KDM3B: variants seen among roughly 807,000 people sequenced by gnomAD.
KDM3B encodes lysine demethylase 3B.
KDM3B carries 10 observed loss-of-function variants against 170.0 expected under a neutral mutation model. That is an observed-to-expected ratio of 0.06 (90% CI 0.04 to 0.10). KDM3B has a LOEUF of 0.10. Among genes scored for constraint, KDM3B ranks in the 10% least tolerant of loss-of-function variants. KDM3B has a pLI of 1.00. For synonymous variants in KDM3B, 831 were observed against 834.8 expected (o/e 1.00, Z 0.08); for missense variants, 1,394 against 2,195.2 (o/e 0.64, Z 7.29).
chr5:138,431,288 G>A, intron 22 of KDM3B, 137 bp from the exon 23 acceptor site: 2 of 714,694 alleles, frequency 2.8e-6, no homozygotes, highest in Non-Finnish European at 4.3e-6. Context: ...TGCACTTACA[G>A]CTTTTCTGTG....
In KDM3B at chr5:138,417,553, T is replaced by C; in HGVS notation, c.3378T>C (p.Cys1126=). Residue 1126 remains cysteine, a synonymous_variant, in exon 13 of 24, where the codon TGT becomes TGC. Transcript: ENST00000314358. ...GKWGIKANCP[C]ISRQNKSVLR... is the part of the protein sequence containing the mutation. Reference sequence around the variant, plus strand: ...GGGGAATTAAAGCAAACTGCCCTTGTATCAGTCGACAGAACAAATCTGTAT... The same window carrying C: ...GGGGAATTAAAGCAAACTGCCCTTGCATCAGTCGACAGAACAAATCTGTAT... 6.2e-7 allele frequency: 1 copy of C among 1,614,206 alleles called. No homozygotes were observed. The highest frequency in any genetic ancestry group is 8.5e-7 in the Non-Finnish European group (1 of 1,180,024).
chr5:138,388,502 A>G (rs1007164725), intron 7 of KDM3B, among the ~76,000 whole-genome samples: 23 of 151,428 alleles, frequency 1.5e-4, no homozygotes, highest in African/African-American at 1.2e-4. Context: ...CGTGGTGGCA[A>G]GCGCCTGTAG....
chr5:138,375,669 C>T lies in KDM3B; in HGVS notation c.474+463C>T, dbSNP rs574148206. Among the ~76,000 whole-genome samples, 8 of 151,972 alleles carry T rather than the reference C, an allele frequency of 5.3e-5. No homozygotes were observed. The South Asian group carries it at 1.2e-3, about 24-fold the overall frequency. ...CTGGGATTACAGGCGTGAGCCACCA[C>T]GCCCAGCCTATTTTATTTTTTTGAG... On this transcript the variant is annotated intron_variant, in intron 3 of 23. Transcript: ENST00000314358.
rs774264800 is a variant in KDM3B, at chr5:138,375,078, C to T, written c.361-15C>T. ...TCCCAAGTTCTAATCAATTTCTTGT[C>T]ATTGTACTTCACAGACTTTTACTCC... On this transcript the variant is annotated splice_polypyrimidine_tract_variant and intron_variant, in intron 2 of 23. Coordinates refer to ENST00000314358, the MANE Select transcript of KDM3B (RefSeq NM_016604.4). 7 of 1,385,714 alleles carry T rather than the reference C, an allele frequency of 5.1e-6. No individual in the cohort carries two copies. The highest frequency in any genetic ancestry group is 7.2e-6 in the Non-Finnish European group (7 of 974,284). The allele number at this position is 1,385,714 out of a possible 1,614,324, so 85.8% of individuals were successfully genotyped here.
Position 138,391,754 on chromosome 5 carries a change from T to G in KDM3B, c.2122T>G (p.Ser708Ala), listed in dbSNP as rs768774855. The change falls in exon 8 of 24, where the codon TCA becomes GCA. Residue 708 changes from serine to alanine, a missense_variant. Physicochemically the swap from Ser to Ala is moderately conservative, Grantham distance 99. Coordinates refer to ENST00000314358, the MANE Select transcript of KDM3B (RefSeq NM_016604.4). This position sits in a 1 kb window ranked among gnomAD's most constrained non-coding sequence, Gnocchi z 5.0. ...CAAGCTAGTATCTGGTGTTCTGGGCTCAGCTCTTACCAGTGGGGGCCCAAG... is the reference window on the plus strand; with the variant it reads ...CAAGCTAGTATCTGGTGTTCTGGGCGCAGCTCTTACCAGTGGGGGCCCAAG... Reference protein sequence around the residue: ...SSKLVSGVLGSALTSGGPSLS... With the variant: ...SSKLVSGVLGAALTSGGPSLS... 15 of 1,613,982 alleles carry G rather than the reference T, an allele frequency of 9.3e-6. No individual in the cohort carries two copies. The highest frequency in any genetic ancestry group is 1.2e-5 in the Non-Finnish European group (14 of 1,180,032).
In KDM3B at chr5:138,424,060, A is replaced by G; in HGVS notation, c.3973-15A>G. On this transcript the variant is annotated splice_polypyrimidine_tract_variant and intron_variant, in intron 15 of 23. Transcript: ENST00000314358. ...TGCCTCAGTCAAGCTTACCTGGTGG[A>G]TTTGTGTCTGGCAGGGAGTGAAGAG... 1 of 1,525,264 alleles carries G rather than the reference A, an allele frequency of 6.6e-7. No homozygotes were observed. Among genetic ancestry groups the G allele is most frequent in the Non-Finnish European group, 8.8e-7 (1 of 1,135,062 alleles). The allele number at this position is 1,525,264 out of a possible 1,614,324, so 94.5% of individuals were successfully genotyped here. A position where few individuals can be genotyped will look rare whatever the true frequency, so the allele number is the denominator to read the frequency against.
chr5:138,381,010 G>A (rs1015061017), intron 5 of KDM3B, among the ~76,000 whole-genome samples: 2 of 152,064 alleles, frequency 1.3e-5, no homozygotes, highest in African/African-American at 4.8e-5. Flanking sequence ...GATTCGCTGA[G>A]ATTACAGACA....
Position 138,391,758 on chromosome 5 carries a change from C to T in KDM3B, c.2126C>T (p.Ala709Val). ...SKLVSGVLGSALTSGGPSLSA... is the reference protein window; with the variant it reads ...SKLVSGVLGSVLTSGGPSLSA... ...CTAGTATCTGGTGTTCTGGGCTCAG[C>T]TCTTACCAGTGGGGGCCCAAGCCTC... Residue 709 changes from alanine to valine, a missense_variant, in exon 8 of 24, where the codon GCT becomes GTT. Transcript: ENST00000314358. The surrounding 1 kb of genome is among the most constrained non-coding windows in gnomAD (Gnocchi z 5.0). 1.2e-6 allele frequency: 2 copies of T among 1,614,068 alleles called. No individual in the cohort carries two copies. The highest frequency in any genetic ancestry group is 2.2e-5 in the East Asian group (1 of 44,872).
chr5:138,420,275 G>A (rs894650826), intron 14 of KDM3B, among the ~76,000 whole-genome samples: 1 of 152,188 alleles, frequency 6.6e-6, no homozygotes, highest in Non-Finnish European at 1.5e-5. Context: ...TTTTCACTGG[G>A]CACAAGAATC....
intron 15 of KDM3B, among the ~76,000 whole-genome samples, chr5:138,421,216 T>C (rs1387334537): frequency 1.3e-5 from 2 of 152,244 alleles, no homozygotes; most frequent in African/African-American, 4.8e-5. Flanking sequence ...TGCTTGTTTT[T>C]CTTGATAATA....
chr5:138,387,740 A>T (rs1762309687), intron 7 of KDM3B, among the ~76,000 whole-genome samples: 1 of 152,216 alleles, frequency 6.6e-6, no homozygotes, highest in African/African-American at 2.4e-5. Context: ...TGAGGATCTT[A>T]TATGGATTTC....
intron 1 of KDM3B, among the ~76,000 whole-genome samples, chr5:138,363,358 C>T (rs1302335998): frequency 2.0e-5 from 3 of 152,104 alleles, no homozygotes; most frequent in South Asian, 2.1e-4. Context: ...TTTATTGATA[C>T]GGACTCACTG....
rs1763260717 is a variant in KDM3B, at chr5:138,421,020, A to G, written c.3972+58A>G. On this transcript the variant is annotated intron_variant, in intron 15 of 23. Coordinates refer to ENST00000314358, the MANE Select transcript of KDM3B (RefSeq NM_016604.4). ...CTTTTCCATGAAAGAACCATCAGAG[A>G]TCAGATAATTGGGTTAGAGGGTACA... 84 of 1,592,184 alleles carry G rather than the reference A, an allele frequency of 5.3e-5. No homozygotes were observed. The South Asian group carries it at 9.2e-4, about 17-fold the overall frequency.
intron 11 of KDM3B, among the ~76,000 whole-genome samples, chr5:138,404,880 A>G (rs1762777091): frequency 6.6e-6 from 1 of 151,276 alleles, no homozygotes; most frequent in African/African-American, 2.4e-5. Context: ...ATGTGCCACC[A>G]TGCCCTGCTA....
intron 14 of KDM3B, among the ~76,000 whole-genome samples, chr5:138,419,663 A>AAAAT (rs1763206461): frequency 8.0e-6 from 1 of 125,050 alleles, no homozygotes; most frequent in Non-Finnish European, 1.6e-5. Flanking sequence ...AAAAAAAAAA[A>AAAAT]AAAAAATATA....
intron 10 of KDM3B, among the ~76,000 whole-genome samples, chr5:138,399,354 A>G (rs1259334846): frequency 6.6e-6 from 1 of 151,542 alleles, no homozygotes; most frequent in East Asian, 2.0e-4. Flanking sequence ...CCTGGCCAAT[A>G]TGGTGAAACC....
At chr5:138,356,400 C>G (rs929828117) in intron 1 of KDM3B, among the ~76,000 whole-genome samples, 4 of 152,178 alleles carry the variant, frequency 2.6e-5, no homozygotes, top group African/African-American at 7.2e-5. Context: ...TATCATCAGT[C>G]TTTCTCATTT....
chr5:138,385,438 G>A (rs1003401292), intron 6 of KDM3B, among the ~76,000 whole-genome samples: 2 of 152,260 alleles, frequency 1.3e-5, no homozygotes, highest in South Asian at 2.1e-4. Flanking sequence ...TCACCATGTT[G>A]GCCAGGATGG....
intron 9 of KDM3B, among the ~76,000 whole-genome samples, chr5:138,397,241 G>A (rs569358632): frequency 2.0e-5 from 3 of 152,090 alleles, no homozygotes; most frequent in African/African-American, 7.2e-5. Flanking sequence ...AGGCTGAGGC[G>A]GGAGAATGGC....
Sources: gnomAD v4.1 joint callset for allele counts (sites outside exome capture counted in the v4.1 genomes callset) on GRCh38, gnomAD v4.1.1 for gene constraint, Gnocchi (gnomAD v3.1) non-coding constraint, MANE v1.5 for transcripts, NCBI Gene and HGNC (gene_info 2026-07-23, HGNC 2026-07-21) for gene names.